EIF2AK3: variants seen among roughly 807,000 people sequenced by gnomAD.
The protein encoded by EIF2AK3 is eukaryotic translation initiation factor 2-alpha kinase 3.
EIF2AK3 carries 50 observed loss-of-function variants against 113.5 expected under a neutral mutation model. The observed-to-expected ratio is 0.44, with a 90% CI of 0.35 to 0.56. The LOEUF (loss-of-function observed/expected upper bound fraction) is 0.56, where lower values mean the gene tolerates loss of function less well. Among genes scored for constraint, EIF2AK3 ranks in the 20% least tolerant of loss-of-function variants. The pLI is 0.00. For synonymous variants in EIF2AK3, 448 were observed against 495.4 expected (o/e 0.90, Z 1.27); for missense variants, 1,185 against 1,378.0 (o/e 0.86, Z 2.22).
intron 2 of EIF2AK3, among the ~76,000 whole-genome samples, chr2:88,607,461 A>G (rs1558661291): frequency 6.6e-6 from 1 of 152,334 alleles, no homozygotes; most frequent in Admixed American, 6.5e-5. Flanking sequence ...AAGACACACA[A>G]ACATGCACCT....
At position 88,574,879 on chromosome 2, in the gene EIF2AK3, A is replaced by C; in HGVS notation, c.2604T>G (p.Thr868=). 6.2e-7 allele frequency: 1 copy of C among 1,614,208 alleles called. No homozygotes were observed. Among genetic ancestry groups the C allele is most frequent in the Non-Finnish European group, 8.5e-7 (1 of 1,180,036 alleles). Residue 868 remains threonine, a synonymous_variant, in exon 13 of 17, where the codon ACT becomes ACG. Transcript: ENST00000303236. ...GCTGGAGTTTTTCTGTGGTGTTTTT[A>C]GTGAGATCTAAACTTAAAGTGGTTG... ...PRPTTLSLDL[T]KNTTEKLQPS...
In EIF2AK3 at chr2:88,593,808, T is replaced by C. The variant is rs1573408103; in HGVS notation, c.634-403A>G. ...TGTTTGGTTTTTAAAAATTTGAAAC[T>C]TTTCTGAGAGCTTTTTGTATTCAAA... On this transcript the variant is annotated intron_variant, in intron 3 of 16. Coordinates refer to ENST00000303236, the MANE Select transcript of EIF2AK3 (RefSeq NM_004836.7). 5 of 822,448 alleles carry C rather than the reference T, an allele frequency of 6.1e-6. No homozygotes were observed. The South Asian group carries it at 1.5e-4, about 25-fold the overall frequency. The allele number at this position is 822,448 out of a possible 1,614,324, so 50.9% of individuals were successfully genotyped here. A position where few individuals can be genotyped will look rare whatever the true frequency, so the allele number is the denominator to read the frequency against.
At position 88,586,071 on chromosome 2, in the gene EIF2AK3, G is replaced by C. The variant is rs1409233089; in HGVS notation, c.1430-10C>G. On this transcript the variant is annotated splice_polypyrimidine_tract_variant and intron_variant, in intron 8 of 16. Coordinates refer to ENST00000303236, the MANE Select transcript of EIF2AK3 (RefSeq NM_004836.7). ...AGATAATAACCATTATCTTCAAATA[G>C]AAACATTAAAACGTTTTTTTTAAAG... is the stretch of plus-strand genomic sequence containing the variant. The C allele has an allele frequency of 5.6e-6, 9 of 1,610,246 alleles. No individual in the cohort carries two copies. Among genetic ancestry groups the C allele is most frequent in the East Asian group, 2.2e-5 (1 of 44,860 alleles).
intron 9 of EIF2AK3, 39 bp downstream of exon 9, chr2:88,585,802 G>A: frequency 6.3e-7 from 1 of 1,592,324 alleles, no homozygotes; most frequent in Non-Finnish European, 8.6e-7. Flanking sequence ...TAGGAGGTGG[G>A]GAAGTGGAAA....
chr2:88,562,967 G>A (rs757440107), intron 14 of EIF2AK3, among the ~76,000 whole-genome samples: 4 of 152,072 alleles, frequency 2.6e-5, no homozygotes, highest in Admixed American at 1.3e-4. Context: ...TGTTGCTATC[G>A]TCCAGCACTG....
At chr2:88,567,690 T>C (rs951865701) in intron 14 of EIF2AK3, among the ~76,000 whole-genome samples, 1 of 152,224 alleles carries the variant, frequency 6.6e-6, no homozygotes, top group Admixed American at 6.5e-5. Context: ...AATTAACTTT[T>C]AATAGGTAAC....
intron 1 of EIF2AK3, among the ~76,000 whole-genome samples, chr2:88,622,717 A>G (rs927730496): frequency 6.6e-6 from 1 of 152,218 alleles, no homozygotes; most frequent in African/African-American, 2.4e-5. Context: ...GTGAATAGGA[A>G]TAGGACTATA....
chr2:88,576,522 A>G lies in EIF2AK3; in HGVS notation c.2036+32T>C. On this transcript the variant is annotated intron_variant, in intron 12 of 16. Coordinates refer to ENST00000303236, the MANE Select transcript of EIF2AK3 (RefSeq NM_004836.7). ...ATTGTAATCACACAAGCAAAAAACT[A>G]GCTTAAGTGTATGTGTAACAAAGTT... 1.9e-6 allele frequency: 3 copies of G among 1,613,474 alleles called. No homozygotes were observed. In the African/African-American group the frequency reaches 4.0e-5, roughly 21 times the overall value.
At chr2:88,564,801 A>G (rs1449022601) in intron 14 of EIF2AK3, among the ~76,000 whole-genome samples, 1 of 152,202 alleles carries the variant, frequency 6.6e-6, no homozygotes, top group Non-Finnish European at 1.5e-5. Context: ...AACCTCAAAG[A>G]GTTAAAAATG....
At chr2:88,583,725 A>C (rs1285042267) in intron 9 of EIF2AK3, among the ~76,000 whole-genome samples, 183 bp from the exon 10 acceptor site, 1 of 152,184 alleles carries the variant, frequency 6.6e-6, no homozygotes, top group Non-Finnish European at 1.5e-5. Context: ...TTATCTTCCC[A>C]CTGCTATCCC....
At chr2:88,585,396 TA>T (rs1674694670) in intron 9 of EIF2AK3, among the ~76,000 whole-genome samples, 2 of 151,956 alleles carry the variant, frequency 1.3e-5, no homozygotes, top group East Asian at 3.9e-4. Context: ...ACTTACTAGA[TA>T]GCTGTTCCAG....
At chr2:88,625,939 CTAA>C (rs1355479198) in intron 1 of EIF2AK3, among the ~76,000 whole-genome samples, 1 of 151,950 alleles carries the variant, frequency 6.6e-6, no homozygotes, top group Non-Finnish European at 1.5e-5. Flanking sequence ...GATCAAAGTT[CTAA>C]TATTAATTTA....
intron 4 of EIF2AK3, among the ~76,000 whole-genome samples, chr2:88,592,763 CAA>C (rs149027884): frequency 9.6e-4 from 100 of 104,190 alleles, no homozygotes; most frequent in Middle Eastern, 4.9e-3. Context: ...AACTCGGTCT[CAA>C]AAAAAAAAAA....
intron 8 of EIF2AK3, among the ~76,000 whole-genome samples, chr2:88,587,626 G>A (rs1010528741): frequency 2.6e-5 from 4 of 152,078 alleles, no homozygotes; most frequent in African/African-American, 7.2e-5. Context: ...AGCTAATAAC[G>A]AGAACCAATG....
chr2:88,592,676 T>C (rs1262257883), intron 4 of EIF2AK3, among the ~76,000 whole-genome samples: 1 of 151,760 alleles, frequency 6.6e-6, no homozygotes, highest in Non-Finnish European at 1.5e-5. Context: ...GGCAGGAGAA[T>C]TGCTTGAACC....
chr2:88,587,263 ATT>A (rs200997341), intron 8 of EIF2AK3, among the ~76,000 whole-genome samples: 1 of 146,464 alleles, frequency 6.8e-6, no homozygotes, highest in African/African-American at 2.5e-5. Flanking sequence ...GTTCAGAGCC[ATT>A]TTTTTTTAAT....
At chr2:88,588,396 A>G (rs1674793425) in intron 7 of EIF2AK3, among the ~76,000 whole-genome samples, 1 of 152,206 alleles carries the variant, frequency 6.6e-6, no homozygotes, top group Admixed American at 6.5e-5. Flanking sequence ...TTTGATTTCT[A>G]TTCGTTCAGT....
chr2:88,602,473 C>T (rs1370423284), intron 2 of EIF2AK3, among the ~76,000 whole-genome samples: 2 of 151,752 alleles, frequency 1.3e-5, no homozygotes, highest in Admixed American at 6.6e-5. Flanking sequence ...TGCAGACTCA[C>T]TGAATGTAGA....
chr2:88,602,513 G>A (rs1372862577), intron 2 of EIF2AK3, among the ~76,000 whole-genome samples: 1 of 152,090 alleles, frequency 6.6e-6, no homozygotes, highest in Non-Finnish European at 1.5e-5. Context: ...AGGCCATGAA[G>A]AAAGAGAGTG....
Sources: gnomAD v4.1 joint callset for allele counts (sites outside exome capture counted in the v4.1 genomes callset) on GRCh38, gnomAD v4.1.1 for gene constraint, MANE v1.5 for transcripts, NCBI Gene and HGNC (gene_info 2026-07-23, HGNC 2026-07-21) for gene names.